Variants in AKAP9 observed in about 807,000 individuals in gnomAD.
AKAP9 encodes A-kinase anchor protein 9.
Under a neutral mutation model 488.5 loss-of-function variants are expected in AKAP9, and 311 were observed. The ratio of observed to expected loss-of-function variants is 0.64; its 90% CI spans 0.58 to 0.70. The LOEUF (loss-of-function observed/expected upper bound fraction) is 0.70, where lower values mean the gene tolerates loss of function less well. AKAP9 is among the 30% of genes least tolerant of loss of function. The pLI is 0.00. For synonymous variants in AKAP9, 1,462 were observed against 1,483.5 expected (o/e 0.99, Z 0.33); for missense variants, 4,215 against 4,374.5 (o/e 0.96, Z 1.03).
chr7:92,001,338 C>T lies in AKAP9; in HGVS notation c.1421C>T (p.Ala474Val), dbSNP rs1217278614. Residue 474 changes from alanine (A) to valine (V), a missense_variant, in exon 8 of 50, where the codon GCT becomes GTT. Around this residue, in one of 5 missense-constraint regions of AKAP9, gnomAD observed 2,361 missense variants for 2,430.0 expected, o/e 0.97. Coordinates refer to ENST00000356239, the MANE Select transcript of AKAP9 (RefSeq NM_005751.5). ...CGGCATAAGGGAGAAATGGAGAATG[C>T]TTTAAGGTCATATTCAAATATTACA... The part of the protein sequence containing the change: ...KTRHKGEMEN[A>V]LRSYSNITVN... 1 of 1,613,746 alleles carries T rather than the reference C, an allele frequency of 6.2e-7. No individual in the cohort carries two copies. The highest frequency in any genetic ancestry group is 1.7e-5 in the Admixed American group (1 of 59,988).
chr7:91,995,849 T>C (rs1798335166), intron 7 of AKAP9, 49 bp downstream of exon 7: 1 of 1,434,760 alleles, frequency 7.0e-7, no homozygotes, highest in East Asian at 2.4e-5. Flanking sequence ...CTTTAGAGTT[T>C]CAAGTTTTTT....
At chr7:91,951,176 A>G (rs415) in intron 1 of AKAP9, among the ~76,000 whole-genome samples, 91,426 of 151,706 alleles carry the variant, frequency 0.6, 27,836 homozygotes, top group East Asian at 0.83. Context: ...AATTTTAATA[A>G]GCCTCAGAAT....
At chr7:92,028,295 T>TAAAAAAAAAAAA (rs57352733) in intron 14 of AKAP9, among the ~76,000 whole-genome samples, 2 of 65,086 alleles carry the variant, frequency 3.1e-5, no homozygotes, top group Non-Finnish European at 2.6e-5. Context: ...CAATAAATAC[T>TAAAAAAAAAAAA]AAAAAAAAAA....
rs866948294 is a variant in AKAP9 at position 91,972,662 on chromosome 7, C to T, written c.49-1049C>T. ...GGTTTTCTGTTAGGGGAAGCGAAGG[C>T]AACTTGCTTCTGTGCCACCATTTTG... On this transcript the variant is annotated intron_variant, in intron 1 of 49. Transcript: ENST00000356239. Among the ~76,000 whole-genome samples, 9 of 152,306 alleles carry T rather than the reference C, an allele frequency of 5.9e-5. No individual in the cohort carries two copies. In the South Asian group the frequency reaches 1.9e-3, roughly 32 times the overall value.
chr7:92,104,461 G>T (rs1818200414), intron 46 of AKAP9, among the ~76,000 whole-genome samples: 1 of 152,082 alleles, frequency 6.6e-6, no homozygotes, highest in South Asian at 2.1e-4. Flanking sequence ...AAAGTGCTGG[G>T]ATTACAGGCG....
chr7:92,086,723 G>T (rs111452671), intron 37 of AKAP9, among the ~76,000 whole-genome samples: 52 of 152,198 alleles, frequency 3.4e-4, no homozygotes, highest in African/African-American at 1.2e-3. Flanking sequence ...AACATTGAGC[G>T]GTCATTGCTC....
intron 22 of AKAP9, 68 bp downstream of exon 22, chr7:92,053,026 G>A: frequency 7.5e-7 from 1 of 1,333,732 alleles, no homozygotes; most frequent in South Asian, 1.2e-5. Flanking sequence ...TCTCTCGACT[G>A]AGCTAATTTT....
chr7:92,083,089 C>T (rs1406149130), intron 32 of AKAP9, 81 bp from the exon 33 acceptor site: 1 of 1,503,154 alleles, frequency 6.7e-7, no homozygotes, highest in African/African-American at 1.4e-5. Context: ...GAATTACATT[C>T]CTCCCACACC....
chr7:91,944,876 G>GT (rs1791245343), intron 1 of AKAP9, among the ~76,000 whole-genome samples: 1 of 152,126 alleles, frequency 6.6e-6, no homozygotes, highest in African/African-American at 2.4e-5. Flanking sequence ...GGATTATATT[G>GT]TTAGACATTT....
chr7:92,106,808 C>T (rs1818578746), intron 47 of AKAP9, among the ~76,000 whole-genome samples: 1 of 152,164 alleles, frequency 6.6e-6, no homozygotes. Flanking sequence ...ATTTGGTACC[C>T]TACACAAAGT....
chr7:92,085,101 A>C (rs1287198296), intron 35 of AKAP9, among the ~76,000 whole-genome samples, 161 bp downstream of exon 35: 2 of 152,212 alleles, frequency 1.3e-5, no homozygotes, highest in African/African-American at 4.8e-5. Context: ...TTCACAGATA[A>C]TAAAGTAAGA....
chr7:92,109,645 T>C (rs186036632), intron 49 of AKAP9, among the ~76,000 whole-genome samples: 6 of 152,312 alleles, frequency 3.9e-5, no homozygotes, highest in African/African-American at 1.4e-4. Context: ...AAAAGTCAGC[T>C]TAAGTATATG....
chr7:92,048,538 C>A (rs951840223), intron 21 of AKAP9, among the ~76,000 whole-genome samples: 39 of 152,198 alleles, frequency 2.6e-4, no homozygotes, highest in African/African-American at 8.7e-4. Flanking sequence ...GTTTTATGCT[C>A]ACCTCTCCCA....
chr7:92,099,916 TATC>T (rs1267565336), intron 44 of AKAP9, 47 bp downstream of exon 44: 1 of 1,565,096 alleles, frequency 6.4e-7, no homozygotes, highest in South Asian at 1.1e-5. Context: ...AGTGCATGCT[TATC>T]ATTTCTGCTG....
intron 9 of AKAP9, among the ~76,000 whole-genome samples, chr7:92,013,232 C>A (rs973757298): frequency 2.7e-4 from 41 of 151,452 alleles, no homozygotes; most frequent in Admixed American, 2.3e-3. Flanking sequence ...ACCTCGTGAT[C>A]CGCCCGCCTC....
At chr7:92,029,465 A>G (rs760006533) in intron 14 of AKAP9, among the ~76,000 whole-genome samples, 1 of 152,180 alleles carries the variant, frequency 6.6e-6, no homozygotes. Context: ...AGTCATTAAT[A>G]TATCTTAGAT....
In AKAP9 at chr7:92,097,775, C is replaced by T; in HGVS notation, c.10588C>T (p.Pro3530Ser). 6.2e-7 allele frequency: 1 copy of T among 1,614,152 alleles called. No homozygotes were observed. Among genetic ancestry groups the T allele is most frequent in the South Asian group, 1.1e-5 (1 of 91,086 alleles). The stretch of plus-strand genomic sequence containing the variant: ...TGTAGCTTCAAAACTACAGGTTCTA[C>T]CCCAGAAAGCCTCTGAGAGGTTAGA... ...QCVASKLQVLPQKASERLQFE... is the reference protein window; with the variant it reads ...QCVASKLQVLSQKASERLQFE... The change falls in exon 42 of 50, where the codon CCC (proline) becomes TCC (serine). Residue 3530 changes from proline to serine, a missense_variant. Pro to Ser is a moderately conservative substitution (Grantham distance 74). Around this residue, in one of 5 missense-constraint regions of AKAP9, gnomAD observed 1,476 missense variants for 1,477.4 expected, o/e 1.00. Coordinates refer to ENST00000356239, the MANE Select transcript of AKAP9 (RefSeq NM_005751.5).
intron 14 of AKAP9, among the ~76,000 whole-genome samples, chr7:92,023,424 G>A (rs1802613929): frequency 6.6e-6 from 1 of 152,088 alleles, no homozygotes; most frequent in Admixed American, 6.6e-5. Flanking sequence ...AATTCACCAC[G>A]TCCAAAGTAG....
intron 3 of AKAP9, among the ~76,000 whole-genome samples, chr7:91,991,319 A>G (rs192863051): frequency 3.3e-5 from 5 of 152,160 alleles, no homozygotes; most frequent in Admixed American, 3.3e-4. Flanking sequence ...AAAATTTTTT[A>G]GAGACATGGT....
Sources: gnomAD v4.1 joint callset for allele counts (sites outside exome capture counted in the v4.1 genomes callset) on GRCh38, gnomAD v4.1.1 for gene constraint, gnomAD v4.1.1 regional missense constraint, MANE v1.5 for transcripts, NCBI Gene and HGNC (gene_info 2026-07-23, HGNC 2026-07-21) for gene names.